MMP16: variants seen among roughly 807,000 people sequenced by gnomAD.
The protein encoded by MMP16 is matrix metalloproteinase-16.
MMP16 carries 12 observed loss-of-function variants against 67.8 expected under a neutral mutation model. The observed-to-expected ratio is 0.18, with a 90% CI of 0.11 to 0.29. MMP16 has a LOEUF of 0.29. MMP16 is among the 10% of genes least tolerant of loss of function. The probability of loss-of-function intolerance (pLI) is 1.00; values close to 1 mark genes in which losing one functional copy is unlikely to be tolerated. For synonymous variants in MMP16, 249 were observed against 255.9 expected (o/e 0.97, Z 0.26); for missense variants, 475 against 765.7 (o/e 0.62, Z 4.48).
At chr8:88,073,467 A>G (rs909807992) in intron 7 of MMP16, among the ~76,000 whole-genome samples, 1 of 152,148 alleles carries the variant, frequency 6.6e-6, no homozygotes, top group African/African-American at 2.4e-5. Flanking sequence ...ACTGAGGGAA[A>G]GAGAATTGAG....
At chr8:88,267,436 C>A (rs62524507) in intron 1 of MMP16, among the ~76,000 whole-genome samples, 3 of 152,216 alleles carry the variant, frequency 2.0e-5, no homozygotes, top group Non-Finnish European at 4.4e-5. Context: ...AAGGGGCCTG[C>A]TAATATAACA....
At chr8:88,180,009 C>T (rs567211501) in intron 3 of MMP16, among the ~76,000 whole-genome samples, 4 of 152,136 alleles carry the variant, frequency 2.6e-5, no homozygotes, top group Admixed American at 6.5e-5. Flanking sequence ...TAGGTGGGCG[C>T]GGTGGCTCAC....
At chr8:88,055,404 C>T (rs1197900368) in intron 8 of MMP16, among the ~76,000 whole-genome samples, 4 of 152,058 alleles carry the variant, frequency 2.6e-5, no homozygotes, top group East Asian at 1.9e-4. Context: ...GACGGGGTTT[C>T]GCCATGTTGG....
intron 3 of MMP16, among the ~76,000 whole-genome samples, chr8:88,181,979 A>C (rs917406927): frequency 1.3e-5 from 2 of 152,102 alleles, no homozygotes; most frequent in South Asian, 2.1e-4. Context: ...CTAGACACAG[A>C]CTTTATACAC....
At chr8:88,253,887 T>C (rs1810263470) in intron 1 of MMP16, among the ~76,000 whole-genome samples, 1 of 152,000 alleles carries the variant, frequency 6.6e-6, no homozygotes, top group African/African-American at 2.4e-5. Flanking sequence ...TTGCCCAGGT[T>C]GGTCTGAAAT....
intron 1 of MMP16, among the ~76,000 whole-genome samples, chr8:88,270,287 T>C (rs953128221): frequency 1.3e-5 from 2 of 152,216 alleles, no homozygotes; most frequent in Non-Finnish European, 2.9e-5. Context: ...GAAATCTTGA[T>C]ACTACAATCC....
intron 1 of MMP16, among the ~76,000 whole-genome samples, chr8:88,218,022 T>G (rs1388981404): frequency 6.6e-6 from 1 of 151,984 alleles, no homozygotes; most frequent in Non-Finnish European, 1.5e-5. Context: ...TTTTATTGTT[T>G]TGTTTCATTT....
At chr8:88,062,817 A>T (rs1002700711) in intron 7 of MMP16, among the ~76,000 whole-genome samples, 2 of 152,260 alleles carry the variant, frequency 1.3e-5, no homozygotes, top group East Asian at 3.9e-4. Context: ...AAAAAAAATT[A>T]AAAAAGAAGA....
At chr8:88,305,800 A>G (rs1263855280) in intron 1 of MMP16, among the ~76,000 whole-genome samples, 1 of 152,172 alleles carries the variant, frequency 6.6e-6, no homozygotes, top group Non-Finnish European at 1.5e-5. Flanking sequence ...GTTAAGGGGG[A>G]AATTTATAGC....
chr8:88,054,725 T>G (rs1374936368), intron 8 of MMP16, among the ~76,000 whole-genome samples: 1 of 152,216 alleles, frequency 6.6e-6, no homozygotes, highest in Admixed American at 6.5e-5. Context: ...TTCTTATTCA[T>G]GGAAGCCAAT....
At chr8:88,325,822 CT>C (rs2130237991) in intron 1 of MMP16, among the ~76,000 whole-genome samples, 1 of 152,136 alleles carries the variant, frequency 6.6e-6, no homozygotes, top group African/African-American at 2.4e-5. Context: ...TTTTCAAATA[CT>C]TTTTTTGTAC....
intron 1 of MMP16, among the ~76,000 whole-genome samples, chr8:88,238,796 A>G (rs1809987441): frequency 6.6e-6 from 1 of 151,952 alleles, no homozygotes; most frequent in South Asian, 2.1e-4. Context: ...ATTTAAGTTC[A>G]TAATAGCCAA....
intron 6 of MMP16, among the ~76,000 whole-genome samples, chr8:88,110,160 C>T (rs781419972): frequency 1.2e-4 from 18 of 151,064 alleles, no homozygotes; most frequent in Non-Finnish European, 2.4e-4. Context: ...AATATATGCT[C>T]AAAATATTTA....
intron 3 of MMP16, chr8:88,186,195 G>A (rs1563556750): frequency 1.1e-5 from 3 of 271,878 alleles, no homozygotes; most frequent in Admixed American, 5.1e-5. Flanking sequence ...GTCAAAGCAT[G>A]TAATATGTTA....
At chr8:88,176,799 C>T (rs1489075298) in intron 3 of MMP16, among the ~76,000 whole-genome samples, 1 of 152,120 alleles carries the variant, frequency 6.6e-6, no homozygotes, top group African/African-American at 2.4e-5. Flanking sequence ...TGTGCTAATA[C>T]CCAAAACTGC....
At chr8:88,057,731 G>T (rs753804157) in intron 7 of MMP16, among the ~76,000 whole-genome samples, 1 of 151,902 alleles carries the variant, frequency 6.6e-6, no homozygotes, top group Non-Finnish European at 1.5e-5. Flanking sequence ...TGTAACCATG[G>T]GTAATCTCAT....
intron 1 of MMP16, among the ~76,000 whole-genome samples, chr8:88,280,419 G>C (rs932554698): frequency 6.6e-6 from 1 of 151,852 alleles, no homozygotes; most frequent in Non-Finnish European, 1.5e-5. Flanking sequence ...TACTATGATC[G>C]AGAAAAAAAA....
Position 88,046,795 on chromosome 8 carries a change from TA to T in MMP16, c.1374-12del. The T allele has an allele frequency of 6.6e-7, 1 of 1,521,292 alleles. No individual in the cohort carries two copies. The highest frequency in any genetic ancestry group is 9.0e-7 in the Non-Finnish European group (1 of 1,112,218). 94.2% of individuals were successfully genotyped at this position (1,521,292 alleles called of 1,614,324 possible). On this transcript the variant is annotated splice_polypyrimidine_tract_variant and intron_variant, in intron 8 of 9. Coordinates refer to ENST00000286614, the MANE Select transcript of MMP16 (RefSeq NM_005941.5). ...CTATATCTCCAATATCTACAAAGGA[TA>T]AAAACAACAACAACAAACACAATAA...
At chr8:88,246,654 G>C (rs1810117187) in intron 1 of MMP16, among the ~76,000 whole-genome samples, 1 of 152,098 alleles carries the variant, frequency 6.6e-6, no homozygotes, top group South Asian at 2.1e-4. Flanking sequence ...TAAAGAATTA[G>C]TCATGTACTC....
Sources: allele counts gnomAD v4.1 joint callset (sites outside exome capture counted in the v4.1 genomes callset), GRCh38; gene constraint gnomAD v4.1.1; transcripts MANE v1.5; gene names NCBI Gene and HGNC (gene_info 2026-07-23, HGNC 2026-07-21).